NAALADL2: variants seen among roughly 807,000 people sequenced by gnomAD.
NAALADL2 encodes N-acetylated alpha-linked acidic dipeptidase like 2, also known as inactive N-acetylated-alpha-linked acidic dipeptidase-like protein 2.
NAALADL2 carries 76 observed loss-of-function variants against 87.2 expected under a neutral mutation model. The ratio of observed to expected loss-of-function variants is 0.87; its 90% confidence interval spans 0.72 to 1.05. The LOEUF (loss-of-function observed/expected upper bound fraction) is 1.05. NAALADL2 is among the 50% of genes least tolerant of loss of function. NAALADL2 has a pLI of 0.00. For synonymous variants in NAALADL2, 354 were observed against 331.0 expected, an observed-to-expected ratio of 1.07 and a Z score of -0.75; for missense variants, 1,089 against 945.8, an observed-to-expected ratio of 1.15 and a Z score of -1.99.
chr3:175,011,726 C>T (rs1749851778), intron 1 of NAALADL2, among the ~76,000 whole-genome samples: 1 of 152,068 alleles, frequency 6.6e-6, no homozygotes, highest in Non-Finnish European at 1.5e-5. Flanking sequence ...CAGCAGAGGC[C>T]CCAAGGCGTG....
At chr3:175,313,683 A>G (rs1160229028) in intron 4 of NAALADL2, among the ~76,000 whole-genome samples, 1 of 152,196 alleles carries the variant, frequency 6.6e-6, no homozygotes, top group African/African-American at 2.4e-5. Flanking sequence ...CCAAATGGCA[A>G]TAACAGCATC....
chr3:175,514,382 A>G (rs967720821), intron 9 of NAALADL2, among the ~76,000 whole-genome samples: 3 of 152,196 alleles, frequency 2.0e-5, no homozygotes, highest in Admixed American at 2.0e-4. Flanking sequence ...AAATGATAAT[A>G]TTCACTCTGA....
chr3:175,212,361 T>A (rs942501514), intron 2 of NAALADL2, among the ~76,000 whole-genome samples: 2 of 152,014 alleles, frequency 1.3e-5, no homozygotes, highest in Non-Finnish European at 2.9e-5. Flanking sequence ...TTATATCCCA[T>A]TAACTAGTAA....
intron 1 of NAALADL2, among the ~76,000 whole-genome samples, chr3:174,913,888 C>T (rs1734024527): frequency 6.6e-6 from 1 of 151,882 alleles, no homozygotes; most frequent in South Asian, 2.1e-4. Context: ...TTAGTCTTAT[C>T]TAATGGGGTG....
At chr3:175,322,782 T>A (rs1270552453) in intron 4 of NAALADL2, among the ~76,000 whole-genome samples, 13 of 147,310 alleles carry the variant, frequency 8.8e-5, no homozygotes, top group African/African-American at 2.3e-4. Context: ...TCAAAACCAC[T>A]ATGAGATACC....
chr3:174,751,993 T>G (rs889803933), intron 3 of NAALADL2, among the ~76,000 whole-genome samples: 1 of 152,198 alleles, frequency 6.6e-6, no homozygotes, highest in Non-Finnish European at 1.5e-5. Flanking sequence ...TTTTTATTTT[T>G]TTTAGACACA....
chr3:174,891,097 C>T (rs921958294), intron 1 of NAALADL2, among the ~76,000 whole-genome samples: 1 of 151,884 alleles, frequency 6.6e-6, no homozygotes, highest in African/African-American at 2.4e-5. Context: ...ACCAGGAATG[C>T]AAGGAGGTCT....
intron 1 of NAALADL2, among the ~76,000 whole-genome samples, chr3:174,869,798 C>T (rs1442817552): frequency 1.3e-5 from 2 of 151,960 alleles, no homozygotes; most frequent in Non-Finnish European, 2.9e-5. Flanking sequence ...GAGTTTGAGA[C>T]CAGCCTAGGT....
At chr3:175,370,626 A>G (rs939427254) in intron 5 of NAALADL2, among the ~76,000 whole-genome samples, 2 of 152,152 alleles carry the variant, frequency 1.3e-5, no homozygotes, top group Non-Finnish European at 2.9e-5. Context: ...CTACATGTGT[A>G]GCTTTGAGAG....
At chr3:175,288,759 T>C (rs902610652) in intron 4 of NAALADL2, among the ~76,000 whole-genome samples, 3 of 152,206 alleles carry the variant, frequency 2.0e-5, no homozygotes, top group African/African-American at 7.2e-5. Flanking sequence ...GATAATAGTC[T>C]GGTAGCATAC....
intron 3 of NAALADL2, among the ~76,000 whole-genome samples, chr3:174,833,654 T>G (rs1048467832): frequency 6.6e-6 from 1 of 152,098 alleles, no homozygotes. Flanking sequence ...ATACATATCA[T>G]TAACAAAATA....
intron 2 of NAALADL2, among the ~76,000 whole-genome samples, chr3:175,233,664 C>T (rs190838225): frequency 3.7e-4 from 56 of 152,176 alleles, no homozygotes; most frequent in African/African-American, 1.3e-3. Context: ...CTGGCTAGTC[C>T]TGTGCTTAAG....
intron 5 of NAALADL2, among the ~76,000 whole-genome samples, chr3:175,346,249 A>AT (rs201477445): frequency 1.3e-5 from 2 of 151,890 alleles, no homozygotes; most frequent in African/African-American, 4.8e-5. Flanking sequence ...AACTTCACTG[A>AT]TTTTTTTTAG....
intron 2 of NAALADL2, among the ~76,000 whole-genome samples, chr3:174,685,982 T>A (rs960052978): frequency 1.3e-5 from 2 of 152,242 alleles, no homozygotes; most frequent in East Asian, 1.9e-4. Context: ...TCCATTTTCC[T>A]GTAAAGGATA....
At chr3:174,630,528 C>T (rs1422716927) in intron 2 of NAALADL2, among the ~76,000 whole-genome samples, 1 of 152,154 alleles carries the variant, frequency 6.6e-6, no homozygotes, top group Non-Finnish European at 1.5e-5. Flanking sequence ...AATGTTCAAA[C>T]ATTTGCATCA....
chr3:175,632,838 T>G (rs1482671286), intron 11 of NAALADL2, among the ~76,000 whole-genome samples: 1 of 152,064 alleles, frequency 6.6e-6, no homozygotes, highest in Non-Finnish European at 1.5e-5. Context: ...GGTCTAGAAA[T>G]GCACTGTCAC....
At chr3:174,659,338 G>A (rs936664090) in intron 2 of NAALADL2, among the ~76,000 whole-genome samples, 6 of 152,126 alleles carry the variant, frequency 3.9e-5, no homozygotes, top group Admixed American at 3.9e-4. Flanking sequence ...GAATTTTTCT[G>A]TATGAATATA....
At chr3:174,794,042 C>T (rs1057360324) in intron 3 of NAALADL2, among the ~76,000 whole-genome samples, 8 of 152,002 alleles carry the variant, frequency 5.3e-5, no homozygotes, top group African/African-American at 1.9e-4. Flanking sequence ...AGTACAGTTG[C>T]TGAGCAACTG....
intron 4 of NAALADL2, among the ~76,000 whole-genome samples, chr3:175,295,264 CA>C (rs1756170113): frequency 6.6e-6 from 1 of 152,082 alleles, no homozygotes; most frequent in Admixed American, 6.6e-5. Flanking sequence ...GACCTTATAC[CA>C]AAGTTGGCCA....
Sources: gnomAD v4.1 joint callset for allele counts (sites outside exome capture counted in the v4.1 genomes callset) on GRCh38, gnomAD v4.1.1 for gene constraint, MANE v1.5 for transcripts, NCBI Gene and HGNC (gene_info 2026-07-23, HGNC 2026-07-21) for gene names.